Variants in ATXN10 observed in about 807,000 individuals in gnomAD.
ATXN10 encodes ataxin 10.
A neutral mutation model predicts 52.9 loss-of-function variants in ATXN10; 28 were observed. That is an observed-to-expected ratio of 0.53 (90% CI 0.39 to 0.73). The LOEUF (loss-of-function observed/expected upper bound fraction) is 0.73. Among genes scored for constraint, ATXN10 ranks in the 30% least tolerant of loss-of-function variants. The probability of loss-of-function intolerance (pLI) is 0.00; values close to 1 mark genes in which losing one functional copy is unlikely to be tolerated. For synonymous variants in ATXN10, 226 were observed against 221.5 expected, an observed-to-expected ratio of 1.02 and a Z score of -0.18; for missense variants, 565 against 577.0, an observed-to-expected ratio of 0.98 and a Z score of 0.21.
At position 45,671,903 on chromosome 22, in the gene ATXN10, A is replaced by T; in HGVS notation, c.-161A>T. The T allele has an allele frequency of 4.0e-6, 3 of 749,006 alleles. No homozygotes were observed. Among genetic ancestry groups the T allele is most frequent in the Non-Finnish European group, 6.2e-6 (3 of 487,284 alleles). 46.4% of individuals were successfully genotyped at this position (749,006 alleles called of 1,614,324 possible). ...AGCTCTCCGGCGGCGGCGCAGCTTC[A>T]GGGCAGCGCGGGCTGCAGCGGCGGC... On this transcript the variant is annotated 5_prime_UTR_variant, in exon 1 of 12. Coordinates refer to ENST00000252934, the MANE Select transcript of ATXN10 (RefSeq NM_013236.4).
intron 6 of ATXN10, among the ~76,000 whole-genome samples, chr22:45,725,371 T>C (rs1344416420): frequency 6.6e-6 from 1 of 152,052 alleles, no homozygotes; most frequent in South Asian, 2.1e-4. Context: ...ATCTTTCACC[T>C]TCTTGGTTAA....
At position 45,693,046 on chromosome 22, in the gene ATXN10, A is replaced by G; in HGVS notation, c.359A>G (p.Glu120Gly). The G allele has an allele frequency of 6.2e-7, 1 of 1,614,084 alleles. No homozygotes were observed. Among genetic ancestry groups the G allele is most frequent in the Non-Finnish European group, 8.5e-7 (1 of 1,179,976 alleles). The change falls in exon 3 of 12, where the codon GAA becomes GGA. Residue 120 changes from glutamate (E) to glycine (G), a missense_variant. Physicochemically the swap from Glu to Gly is moderately conservative, Grantham distance 98. Coordinates refer to ENST00000252934, the MANE Select transcript of ATXN10 (RefSeq NM_013236.4). ...GTTGATTTGATTCTTCTGTTTCGTG[A>G]ACTGCGAGTGGAACAGGAATCTCTG... Reference protein sequence around the residue: ...VAVDLILLFRELRVEQESLLT... With the variant: ...VAVDLILLFRGLRVEQESLLT...
intron 9 of ATXN10, among the ~76,000 whole-genome samples, chr22:45,767,371 A>G (rs1391963330): frequency 6.6e-6 from 1 of 152,064 alleles, no homozygotes; most frequent in Non-Finnish European, 1.5e-5. Context: ...TGTAATACAG[A>G]GGGAGAAATA....
chr22:45,738,669 T>A, intron 7 of ATXN10, 62 bp from the exon 8 acceptor site: 11 of 1,297,390 alleles, frequency 8.5e-6, no homozygotes, highest in Non-Finnish European at 1.2e-5. Flanking sequence ...TACAGTTATT[T>A]ATAACAGTTA....
chr22:45,822,343 A>T (rs1023256346), intron 10 of ATXN10, among the ~76,000 whole-genome samples: 4 of 152,054 alleles, frequency 2.6e-5, no homozygotes, highest in African/African-American at 9.7e-5. Context: ...GCTTCAGGGC[A>T]TGTATATCTT....
At position 45,672,268 on chromosome 22, in the gene ATXN10, C is replaced by A. The variant is rs572999211; in HGVS notation, c.116+89C>A. The A allele has an allele frequency of 1.5e-5, 18 of 1,231,546 alleles. 1 individual carries two copies. The highest frequency in any genetic ancestry group is 6.4e-4 in the Middle Eastern group (2 of 3,120). The allele number at this position is 1,231,546 out of a possible 1,614,324, so 76.3% of individuals were successfully genotyped here. A position where few individuals can be genotyped will look rare whatever the true frequency, so the allele number is the denominator to read the frequency against. ...CCCGGCCTGGACCCAGGCGCCGCCCCCGCCTCGCTGGAGACGCGGAGGGCG... is the reference window on the plus strand; with the variant it reads ...CCCGGCCTGGACCCAGGCGCCGCCCACGCCTCGCTGGAGACGCGGAGGGCG... On this transcript the variant is annotated intron_variant, in intron 1 of 11. Coordinates refer to ENST00000252934, the MANE Select transcript of ATXN10 (RefSeq NM_013236.4).
intron 9 of ATXN10, among the ~76,000 whole-genome samples, chr22:45,768,048 A>G (rs1026677398): frequency 6.6e-6 from 1 of 152,176 alleles, no homozygotes; most frequent in African/African-American, 2.4e-5. Flanking sequence ...GAAGTTTAAA[A>G]CCCTTAAAGT....
Position 45,835,831 on chromosome 22 carries a change from C to T in ATXN10, c.1238-7160C>T, listed in dbSNP as rs1929149955. Among the ~76,000 whole-genome samples, 1 of 152,122 alleles carries T rather than the reference C, an allele frequency of 6.6e-6. No homozygotes were observed. Among genetic ancestry groups the T allele is most frequent in the Non-Finnish European group, 1.5e-5 (1 of 68,022 alleles). On this transcript the variant is annotated intron_variant, in intron 10 of 11. Coordinates refer to ENST00000252934, the MANE Select transcript of ATXN10 (RefSeq NM_013236.4). This position sits in a 1 kb window ranked among gnomAD's most constrained non-coding sequence, Gnocchi z 5.0. ...CCAAATCTGACAATTATTTCTCTGC[C>T]TTCTTTTAGTATTTTTTTTAACACT... is the stretch of plus-strand genomic sequence containing the variant.
rs1427635633 is a variant in ATXN10, at chr22:45,718,266, C to A, written c.648-147C>A. 9.6e-6 allele frequency: 7 copies of A among 727,934 alleles called. No homozygotes were observed. The highest frequency in any genetic ancestry group is 1.7e-5 in the Non-Finnish European group (7 of 406,914). 45.1% of individuals were successfully genotyped at this position (727,934 alleles called of 1,614,324 possible). On this transcript the variant is annotated intron_variant, in intron 5 of 11. Transcript: ENST00000252934. The surrounding 1 kb of genome is among the most constrained non-coding windows in gnomAD (Gnocchi z 4.4). Reference sequence around the variant, plus strand: ...TGCTGATAGATTAATAGTATGTGAACCTTTTAAGACATTTAAGATTACAGC... The same window carrying A: ...TGCTGATAGATTAATAGTATGTGAAACTTTTAAGACATTTAAGATTACAGC...
rs532943909 is a variant in ATXN10, at chr22:45,784,859, A to C, written c.1174-22100A>C. ...AGGGCATTATTTATTGATGGCAAGG[A>C]GCTTATCATAATACAACAAGCAATT... On this transcript the variant is annotated intron_variant, in intron 9 of 11. Coordinates refer to ENST00000252934, the MANE Select transcript of ATXN10 (RefSeq NM_013236.4). This position sits in a 1 kb window ranked among gnomAD's most constrained non-coding sequence, Gnocchi z 4.2. 4.6e-5 allele frequency among the ~76,000 whole-genome samples: 7 copies of C among 152,294 alleles called. No homozygotes were observed. In the East Asian group the frequency reaches 1.3e-3, roughly 29 times the overall value.
Position 45,759,494 on chromosome 22 carries a change from G to A in ATXN10, c.1173+18956G>A, listed in dbSNP as rs1256475655. The stretch of plus-strand genomic sequence containing the variant: ...ATCACTGCACTCCAGCCTGGGCAGA[G>A]CAAGACTCCGTGTCAAACAAACAAA... On this transcript the variant is annotated intron_variant, in intron 9 of 11. Coordinates refer to ENST00000252934, the MANE Select transcript of ATXN10 (RefSeq NM_013236.4). This position sits in a 1 kb window ranked among gnomAD's most constrained non-coding sequence, Gnocchi z 5.4. Among the ~76,000 whole-genome samples the A allele has an allele frequency of 1.3e-5, 2 of 152,264 alleles. No homozygotes were observed. Among genetic ancestry groups the A allele is most frequent in the South Asian group, 2.1e-4 (1 of 4,822 alleles).
chr22:45,827,563 A>G (rs1928856400), intron 10 of ATXN10, among the ~76,000 whole-genome samples: 1 of 152,224 alleles, frequency 6.6e-6, no homozygotes, highest in Non-Finnish European at 1.5e-5. Flanking sequence ...AAAGAAGAAC[A>G]TAATATATTA....
At chr22:45,832,737 A>C (rs905209269) in intron 10 of ATXN10, among the ~76,000 whole-genome samples, 4 of 152,246 alleles carry the variant, frequency 2.6e-5, no homozygotes, top group Admixed American at 6.5e-5. Flanking sequence ...CCTTGCTCCA[A>C]CGCCAGTCTA....
chr22:45,761,067 A>G (rs1226026199), intron 9 of ATXN10, among the ~76,000 whole-genome samples: 3 of 152,184 alleles, frequency 2.0e-5, no homozygotes, highest in African/African-American at 7.2e-5. Flanking sequence ...CCTTTTGGGA[A>G]AGAAGTTGAA....
In ATXN10 at chr22:45,786,547, G is replaced by A. The variant is rs1203578824; in HGVS notation, c.1174-20412G>A. Reference sequence around the variant, plus strand: ...CCAGGGCATTGCTCCCTGGTCGGAAGGATTGTTGGTTCTTCCTTACTTAGG... The same window carrying A: ...CCAGGGCATTGCTCCCTGGTCGGAAAGATTGTTGGTTCTTCCTTACTTAGG... On this transcript the variant is annotated intron_variant, in intron 9 of 11. Transcript: ENST00000252934. This position sits in a 1 kb window ranked among gnomAD's most constrained non-coding sequence, Gnocchi z 4.1. Among the ~76,000 whole-genome samples, 2 of 152,214 alleles carry A rather than the reference G, an allele frequency of 1.3e-5. No homozygotes were observed. Among genetic ancestry groups the A allele is most frequent in the South Asian group, 2.1e-4 (1 of 4,834 alleles).
Position 45,718,825 on chromosome 22 carries a change from C to T in ATXN10, c.728+332C>T, listed in dbSNP as rs945041405. Among the ~76,000 whole-genome samples, 3 of 152,092 alleles carry T rather than the reference C, an allele frequency of 2.0e-5. No individual in the cohort carries two copies. Among genetic ancestry groups the T allele is most frequent in the African/African-American group, 7.2e-5 (3 of 41,420 alleles). ...TACAGTTGAATATTTGAGGTGTACT[C>T]ATTTGTTTAGGTCATGGGTGTTATT... On this transcript the variant is annotated intron_variant, in intron 6 of 11. Coordinates refer to ENST00000252934, the MANE Select transcript of ATXN10 (RefSeq NM_013236.4). This position sits in a 1 kb window ranked among gnomAD's most constrained non-coding sequence, Gnocchi z 4.4.
At chr22:45,776,924 A>T (rs1926978904) in intron 9 of ATXN10, among the ~76,000 whole-genome samples, 1 of 152,036 alleles carries the variant, frequency 6.6e-6, no homozygotes, top group Non-Finnish European at 1.5e-5. Flanking sequence ...ATTCCTATGC[A>T]TCATTTTTGC....
chr22:45,723,986 C>A (rs950434786), intron 6 of ATXN10, among the ~76,000 whole-genome samples: 10 of 151,820 alleles, frequency 6.6e-5, no homozygotes, highest in Admixed American at 4.6e-4. Context: ...CCAGCTCCAT[C>A]CAAGTTGCTG....
At chr22:45,722,684 G>T (rs537593632) in intron 6 of ATXN10, among the ~76,000 whole-genome samples, 7 of 152,124 alleles carry the variant, frequency 4.6e-5, no homozygotes, top group Admixed American at 4.6e-4. Flanking sequence ...TTTAGCACTT[G>T]CAGATCTCCC....
Sources: gnomAD v4.1 joint callset for allele counts (sites outside exome capture counted in the v4.1 genomes callset) on GRCh38, gnomAD v4.1.1 for gene constraint, Gnocchi (gnomAD v3.1) non-coding constraint, MANE v1.5 for transcripts, NCBI Gene and HGNC (gene_info 2026-07-23, HGNC 2026-07-21) for gene names.